The following ARHGAP22 variants were observed in gnomAD, a reference collection of about 807,000 sequenced individuals.
The protein encoded by ARHGAP22 is Rho GTPase activating protein 22.
ARHGAP22 carries 48 observed loss-of-function variants against 59.1 expected under a neutral mutation model. The ratio of observed to expected loss-of-function variants is 0.81; its 90% CI spans 0.64 to 1.03. The LOEUF (loss-of-function observed/expected upper bound fraction) is 1.03, where lower values mean the gene tolerates loss of function less well. Ranked by LOEUF, ARHGAP22 falls within the 50% of genes least tolerant of loss-of-function variation. ARHGAP22 has a pLI of 0.00. For missense variants in ARHGAP22, 1,015 were observed against 958.7 expected (o/e 1.06, Z -0.78); for synonymous variants, 445 against 416.4 (o/e 1.07, Z -0.84).
intron 1 of ARHGAP22, among the ~76,000 whole-genome samples, chr10:48,633,580 G>C (rs2061701703): frequency 6.6e-6 from 1 of 152,186 alleles, no homozygotes; most frequent in Non-Finnish European, 1.5e-5. Flanking sequence ...TTTACAATGA[G>C]GAAATGAAGC....
At chr10:48,617,522 A>G (rs1390792680) in intron 1 of ARHGAP22, among the ~76,000 whole-genome samples, 1 of 152,076 alleles carries the variant, frequency 6.6e-6, no homozygotes, top group Non-Finnish European at 1.5e-5. Context: ...TCACATCAGA[A>G]TAAAGCTAGA....
chr10:48,501,366 C>G (rs143107824), intron 3 of ARHGAP22, among the ~76,000 whole-genome samples: 21 of 152,342 alleles, frequency 1.4e-4, no homozygotes, highest in African/African-American at 5.1e-4. Flanking sequence ...TGAAATGAGC[C>G]TTCTCACACC....
intron 4 of ARHGAP22, among the ~76,000 whole-genome samples, chr10:48,466,957 G>T (rs1182069613): frequency 5.9e-5 from 9 of 152,198 alleles, no homozygotes; most frequent in Admixed American, 5.9e-4. Flanking sequence ...TGGAGCGCCC[G>T]CTTAACCCTT....
chr10:48,549,066 T>C (rs540096947), intron 3 of ARHGAP22, among the ~76,000 whole-genome samples: 1 of 152,358 alleles, frequency 6.6e-6, no homozygotes, highest in Non-Finnish European at 1.5e-5. Flanking sequence ...AAACGTGGTG[T>C]GCTCAGCTTC....
chr10:48,560,236 A>G (rs2057597345), intron 2 of ARHGAP22, among the ~76,000 whole-genome samples: 1 of 152,322 alleles, frequency 6.6e-6, no homozygotes, highest in Admixed American at 6.5e-5. Flanking sequence ...TATTAACAGA[A>G]AAATGCCTAC....
intron 3 of ARHGAP22, among the ~76,000 whole-genome samples, chr10:48,524,645 C>T (rs956075969): frequency 6.6e-6 from 1 of 152,088 alleles, no homozygotes; most frequent in Admixed American, 6.5e-5. Flanking sequence ...GTGACTTTGT[C>T]GGGGGTGTTC....
intron 4 of ARHGAP22, among the ~76,000 whole-genome samples, chr10:48,475,515 GTCTT>G (rs1164907342): frequency 6.6e-6 from 1 of 152,164 alleles, no homozygotes; most frequent in African/African-American, 2.4e-5. Flanking sequence ...AGTTCCCGTA[GTCTT>G]TCTATCTCAG....
intron 1 of ARHGAP22, 96 bp downstream of exon 1, chr10:48,604,667 C>G: frequency 6.3e-7 from 1 of 1,594,422 alleles, no homozygotes; most frequent in Non-Finnish European, 8.6e-7. Context: ...ACGCCCGCCC[C>G]ATGTGACACA....
At chr10:48,623,836 C>T (rs1415565867) in intron 1 of ARHGAP22, among the ~76,000 whole-genome samples, 1 of 152,210 alleles carries the variant, frequency 6.6e-6, no homozygotes, top group African/African-American at 2.4e-5. Context: ...CTCATTAGTT[C>T]TCACATTTCC....
upstream of ARHGAP22, among the ~76,000 whole-genome samples, chr10:48,654,414 G>T (rs1202287035): frequency 2.0e-5 from 3 of 152,194 alleles, no homozygotes; most frequent in Non-Finnish European, 2.9e-5. Flanking sequence ...CTTGCCTCAT[G>T]GCCTTGGTTG....
intron 3 of ARHGAP22, among the ~76,000 whole-genome samples, chr10:48,549,839 C>T (rs540257902): frequency 9.9e-5 from 15 of 152,262 alleles, no homozygotes; most frequent in African/African-American, 3.6e-4. Context: ...CCAGGGGCAG[C>T]CTCTCCACCT....
intron 1 of ARHGAP22, chr10:48,652,118 G>T: frequency 1.0e-6 from 1 of 978,830 alleles, no homozygotes; most frequent in Non-Finnish European, 1.5e-6. Context: ...GACCACAGAT[G>T]CCGCCTGGTG....
chr10:48,591,640 G>C (rs1318172226), intron 1 of ARHGAP22, among the ~76,000 whole-genome samples: 1 of 152,036 alleles, frequency 6.6e-6, no homozygotes, highest in Non-Finnish European at 1.5e-5. Context: ...CACATATAGA[G>C]AGTAATTGGG....
intron 1 of ARHGAP22, among the ~76,000 whole-genome samples, chr10:48,604,218 C>T (rs768919713): frequency 6.6e-6 from 1 of 152,198 alleles, no homozygotes. Context: ...GCTCCCGCAT[C>T]CACCCGTCCT....
intron 1 of ARHGAP22, among the ~76,000 whole-genome samples, chr10:48,645,541 C>A (rs547855142): frequency 2.0e-5 from 3 of 152,148 alleles, no homozygotes; most frequent in South Asian, 2.1e-4. Flanking sequence ...AAGGACAAAA[C>A]CCATATAATC....
At chr10:48,560,890 T>G (rs1189159534) in intron 2 of ARHGAP22, among the ~76,000 whole-genome samples, 1 of 152,170 alleles carries the variant, frequency 6.6e-6, no homozygotes, top group Admixed American at 6.5e-5. Context: ...TATTGTTAGA[T>G]TCAATATGCT....
At chr10:48,598,740 T>C (rs970250806) in intron 1 of ARHGAP22, among the ~76,000 whole-genome samples, 3 of 152,146 alleles carry the variant, frequency 2.0e-5, no homozygotes, top group Admixed American at 2.0e-4. Flanking sequence ...TTCCCTCACA[T>C]CACCTTGTCC....
At chr10:48,511,559 A>G (rs2052770266) in intron 3 of ARHGAP22, 1 of 152,120 alleles carries the variant, frequency 6.6e-6, no homozygotes, top group Non-Finnish European at 1.5e-5. Flanking sequence ...AGGTTCAGGG[A>G]CTCTCTGCTT....
At chr10:48,542,216 C>T (rs2056024017) in intron 3 of ARHGAP22, among the ~76,000 whole-genome samples, 2 of 151,934 alleles carry the variant, frequency 1.3e-5, no homozygotes, top group South Asian at 2.1e-4. Context: ...GAAGGTTGTA[C>T]CCACAGGATG....
Sources: allele counts gnomAD v4.1 joint callset (sites outside exome capture counted in the v4.1 genomes callset), GRCh38; gene constraint gnomAD v4.1.1; transcripts MANE v1.5; gene names NCBI Gene and HGNC (gene_info 2026-07-23, HGNC 2026-07-21).